The following TAF4 variants were observed in gnomAD, a reference collection of about 807,000 sequenced individuals.
TAF4 encodes transcription initiation factor TFIID subunit 4.
TAF4 carries 9 observed loss-of-function variants against 90.3 expected under a neutral mutation model. The ratio of observed to expected loss-of-function variants is 0.10; its 90% confidence interval spans 0.06 to 0.17. The LOEUF (loss-of-function observed/expected upper bound fraction) is 0.17. Ranked by LOEUF, TAF4 falls within the 10% of genes least tolerant of loss-of-function variation. TAF4 has a pLI of 1.00. For missense variants in TAF4, 1,351 were observed against 1,370.7 expected, an observed-to-expected ratio of 0.99 and a Z score of 0.23; for synonymous variants, 818 against 638.9, an observed-to-expected ratio of 1.28 and a Z score of -4.23.
chr20:62,002,108 T>C (rs1266798700), intron 9 of TAF4, among the ~76,000 whole-genome samples: 1 of 152,176 alleles, frequency 6.6e-6, no homozygotes, highest in African/African-American at 2.4e-5. Context: ...CGCTGACTCC[T>C]TGACAGCAAA....
intron 1 of TAF4, among the ~76,000 whole-genome samples, chr20:62,019,734 C>T (rs1217601768): frequency 6.6e-6 from 1 of 152,184 alleles, no homozygotes; most frequent in East Asian, 1.9e-4. Flanking sequence ...GTGAGTGAAT[C>T]CCACCCTCCC....
intron 2 of TAF4, among the ~76,000 whole-genome samples, chr20:62,014,024 G>GTGTGTGTGTGTGTGTGTGTGTA (rs1189596224): frequency 1.1e-5 from 1 of 91,240 alleles, no homozygotes; most frequent in Non-Finnish European, 2.4e-5. Flanking sequence ...GTGTGGGTGT[G>GTGTGTGTGTGTGTGTGTGTGTA]TGTGTGTGTG....
chr20:62,023,368 T>C (rs1222021589), intron 1 of TAF4, among the ~76,000 whole-genome samples: 2 of 151,798 alleles, frequency 1.3e-5, no homozygotes, highest in African/African-American at 4.8e-5. Flanking sequence ...GAGGCGAAGG[T>C]TGCAGTGAGC....
intron 1 of TAF4, among the ~76,000 whole-genome samples, chr20:62,057,407 T>A (rs2056070846): frequency 6.6e-6 from 1 of 152,210 alleles, no homozygotes; most frequent in Non-Finnish European, 1.5e-5. Flanking sequence ...TTCTAAAACC[T>A]AATGTCAAAT....
intron 1 of TAF4, among the ~76,000 whole-genome samples, chr20:62,025,484 C>T (rs574564322): frequency 2.0e-4 from 30 of 152,300 alleles, no homozygotes; most frequent in African/African-American, 7.0e-4. Flanking sequence ...GTAATCCCCA[C>T]GTGTGGAGGG....
intron 7 of TAF4, among the ~76,000 whole-genome samples, chr20:62,004,162 G>A (rs1251100627): frequency 6.6e-6 from 1 of 152,192 alleles, no homozygotes; most frequent in Non-Finnish European, 1.5e-5. Flanking sequence ...CTGGGCATTG[G>A]TCAGGGCCTG....
chr20:62,035,211 G>A (rs541736336), intron 1 of TAF4, among the ~76,000 whole-genome samples: 4 of 152,178 alleles, frequency 2.6e-5, no homozygotes, highest in Non-Finnish European at 5.9e-5. Flanking sequence ...CCGAAGAGTT[G>A]ATTCTAAAAT....
intron 1 of TAF4, among the ~76,000 whole-genome samples, chr20:62,025,678 T>C (rs1388193543): frequency 6.6e-6 from 1 of 152,274 alleles, no homozygotes; most frequent in Non-Finnish European, 1.5e-5. Context: ...CCCAGTCATG[T>C]GGAACTGTGA....
intron 1 of TAF4, among the ~76,000 whole-genome samples, chr20:62,042,906 G>C (rs1267460472): frequency 6.6e-6 from 1 of 152,216 alleles, no homozygotes; most frequent in Admixed American, 6.5e-5. Flanking sequence ...ACTGCAGGGA[G>C]ACGGGACTTG....
intron 1 of TAF4, among the ~76,000 whole-genome samples, chr20:62,056,428 A>T (rs923764363): frequency 6.6e-6 from 1 of 152,160 alleles, no homozygotes; most frequent in African/African-American, 2.4e-5. Context: ...TAAAAGTGTA[A>T]TCTGGTGGAA....
intron 1 of TAF4, among the ~76,000 whole-genome samples, chr20:62,037,016 C>T (rs897359740): frequency 6.6e-6 from 1 of 152,226 alleles, no homozygotes; most frequent in Non-Finnish European, 1.5e-5. Flanking sequence ...CTTGCACTTC[C>T]CAGGACTGTG....
intron 13 of TAF4, 91 bp from the exon 14 acceptor site, chr20:61,997,760 G>A (rs2055672381): frequency 2.1e-6 from 3 of 1,416,770 alleles, no homozygotes; most frequent in South Asian, 1.6e-5. Context: ...AGGGTTTTCT[G>A]TAGTTTTCTA....
chr20:62,035,625 TA>T (rs2055928009), intron 1 of TAF4, among the ~76,000 whole-genome samples: 2 of 152,228 alleles, frequency 1.3e-5, no homozygotes, highest in Non-Finnish European at 2.9e-5. Flanking sequence ...TACAGAAGAC[TA>T]TTCCTATTAC....
intron 1 of TAF4, among the ~76,000 whole-genome samples, chr20:62,049,788 T>C (rs1053806648): frequency 6.6e-6 from 1 of 152,012 alleles, no homozygotes; most frequent in South Asian, 2.1e-4. Flanking sequence ...GCCCCACCAG[T>C]CACGTGGCCT....
At chr20:62,038,695 G>A (rs1185309189) in intron 1 of TAF4, among the ~76,000 whole-genome samples, 1 of 152,080 alleles carries the variant, frequency 6.6e-6, no homozygotes, top group Non-Finnish European at 1.5e-5. Flanking sequence ...CAGAACACTC[G>A]ATATTGCTAA....
chr20:62,048,182 G>A (rs935313831), intron 1 of TAF4, among the ~76,000 whole-genome samples: 1 of 152,218 alleles, frequency 6.6e-6, no homozygotes, highest in African/African-American at 2.4e-5. Flanking sequence ...TCCCACACAG[G>A]GCAGGCTGGC....
chr20:62,000,136 GTTC>G lies in TAF4; in HGVS notation c.2772_2774del (p.Lys924del). The G allele has an allele frequency of 6.2e-7, 1 of 1,614,240 alleles. No individual in the cohort carries two copies. The highest frequency in any genetic ancestry group is 8.5e-7 in the Non-Finnish European group (1 of 1,180,038). On this transcript the variant is annotated inframe_deletion, in exon 11 of 15. Coordinates refer to ENST00000252996, the MANE Select transcript of TAF4 (RefSeq NM_003185.4). Reference sequence around the variant, plus strand: ...AACAGCCTGTTACCTTGTAAGAAAAGTTCTTCTGCTGAGCTGTTTCTGATATTT... The same window carrying G: ...AACAGCCTGTTACCTTGTAAGAAAAGTTCTGCTGAGCTGTTTCTGATATTT...
intron 1 of TAF4, chr20:62,037,606 T>C (rs2055940256): frequency 6.5e-6 from 1 of 153,496 alleles, no homozygotes; most frequent in Non-Finnish European, 1.5e-5. Context: ...CAGCGCATCC[T>C]GGGTGCTCAA....
intron 14 of TAF4, among the ~76,000 whole-genome samples, chr20:61,989,154 G>A (rs1388173071): frequency 2.0e-5 from 3 of 152,038 alleles, no homozygotes; most frequent in Admixed American, 6.6e-5. Flanking sequence ...GGACCCCTTC[G>A]ACATGGAAGG....
Sources: allele counts gnomAD v4.1 joint callset (sites outside exome capture counted in the v4.1 genomes callset), GRCh38; gene constraint gnomAD v4.1.1; transcripts MANE v1.5; gene names NCBI Gene and HGNC (gene_info 2026-07-23, HGNC 2026-07-21).